Variants in RANBP2 observed in about 807,000 individuals in gnomAD.
RANBP2 encodes the protein E3 SUMO-protein ligase RanBP2.
RANBP2 carries 57 observed loss-of-function variants against 303.6 expected under a neutral mutation model. The ratio of observed to expected loss-of-function variants is 0.19; its 90% CI spans 0.15 to 0.23. The LOEUF (loss-of-function observed/expected upper bound fraction) is 0.23. Ranked by LOEUF, RANBP2 falls within the 10% of genes least tolerant of loss-of-function variation. The pLI is 1.00. For missense variants in RANBP2, 3,138 were observed against 3,780.8 expected (o/e 0.83, Z 4.46); for synonymous variants, 1,167 against 1,301.5 (o/e 0.90, Z 2.23).
chr2:109,145,567 C>G, the RANBP2 span, among the ~76,000 whole-genome samples: 65 of 152,280 alleles, frequency 4.3e-4, no homozygotes, highest in African/African-American at 1.5e-3. Context: ...CTAGGCTGTC[C>G]GGGGGGCCTC....
chr2:109,615,808 A>G, the RANBP2 span: 1 of 1,614,108 alleles, frequency 6.2e-7, no homozygotes, highest in Admixed American at 1.7e-5. Flanking sequence ...GACCATCACC[A>G]CCATCACCAC....
At chr2:109,293,157 G>A in the RANBP2 span, among the ~76,000 whole-genome samples, 1 of 152,234 alleles carries the variant, frequency 6.6e-6, no homozygotes, top group Non-Finnish European at 1.5e-5. Flanking sequence ...ACAGAGCTCC[G>A]CAGGCAGTGC....
chr2:108,885,635 G>A, the RANBP2 span, among the ~76,000 whole-genome samples: 4 of 152,328 alleles, frequency 2.6e-5, no homozygotes, highest in Admixed American at 2.6e-4. Context: ...TATTTGGGGT[G>A]TCCACCCGAG....
At chr2:109,043,487 C>T in the RANBP2 span, among the ~76,000 whole-genome samples, 2 of 152,110 alleles carry the variant, frequency 1.3e-5, no homozygotes, top group Admixed American at 6.5e-5. Flanking sequence ...GGACTACAGG[C>T]GCAAGCCATC....
chr2:109,727,965 G>A, the RANBP2 span, among the ~76,000 whole-genome samples: 8 of 152,126 alleles, frequency 5.3e-5, no homozygotes, highest in Non-Finnish European at 1.5e-5. Flanking sequence ...CCCCTTGAAA[G>A]AGGGCAAAAC....
At chr2:109,043,741 T>C in the RANBP2 span, among the ~76,000 whole-genome samples, 1 of 152,248 alleles carries the variant, frequency 6.6e-6, no homozygotes, top group East Asian at 1.9e-4. Flanking sequence ...CTTGATCCAG[T>C]TGGAAGACTG....
chr2:109,499,764 T>C, the RANBP2 span, among the ~76,000 whole-genome samples: 1 of 152,132 alleles, frequency 6.6e-6, no homozygotes, highest in Non-Finnish European at 1.5e-5. Context: ...CAGGGGGGTG[T>C]GTGTGTATGT....
At chr2:109,149,075 G>A in the RANBP2 span, among the ~76,000 whole-genome samples, 4 of 152,034 alleles carry the variant, frequency 2.6e-5, no homozygotes, top group Admixed American at 1.3e-4. Context: ...GGCTTCAATT[G>A]AGTGCCTCAT....
chr2:109,027,412 C>G, the RANBP2 span, among the ~76,000 whole-genome samples: 1 of 152,012 alleles, frequency 6.6e-6, no homozygotes, highest in Non-Finnish European at 1.5e-5. Flanking sequence ...CTTTTGAAGC[C>G]ATAAGGAAAG....
At chr2:109,011,787 T>C in the RANBP2 span, among the ~76,000 whole-genome samples, 1 of 152,320 alleles carries the variant, frequency 6.6e-6, no homozygotes, top group South Asian at 2.1e-4. Flanking sequence ...ATCTTTAATT[T>C]CTGCTGTAAT....
the RANBP2 span, among the ~76,000 whole-genome samples, chr2:109,219,898 C>T: frequency 2.6e-5 from 4 of 152,204 alleles, no homozygotes; most frequent in East Asian, 1.9e-4. Flanking sequence ...ACCCCAATGG[C>T]GTTTTTTAGA....
At chr2:109,714,184 G>T in the RANBP2 span, among the ~76,000 whole-genome samples, 3 of 152,152 alleles carry the variant, frequency 2.0e-5, no homozygotes, top group African/African-American at 7.2e-5. Flanking sequence ...GGGCTCAAGT[G>T]ATCCTCCTAC....
At chr2:109,105,133 C>G in the RANBP2 span, among the ~76,000 whole-genome samples, 2 of 152,182 alleles carry the variant, frequency 1.3e-5, no homozygotes, top group Non-Finnish European at 2.9e-5. Context: ...AAGGCACTCT[C>G]CCAATGGATA....
chr2:109,380,121 G>A, the RANBP2 span, among the ~76,000 whole-genome samples: 82 of 152,290 alleles, frequency 5.4e-4, no homozygotes, highest in African/African-American at 7.2e-4. Flanking sequence ...CTGCCAAGGC[G>A]TGATCCACAC....
At chr2:109,333,870 T>A in the RANBP2 span, among the ~76,000 whole-genome samples, 1 of 152,188 alleles carries the variant, frequency 6.6e-6, no homozygotes, top group South Asian at 2.1e-4. Flanking sequence ...ATTATGATGA[T>A]ATAATAATGA....
the RANBP2 span, among the ~76,000 whole-genome samples, chr2:109,419,803 A>C: frequency 6.6e-6 from 1 of 152,240 alleles, no homozygotes; most frequent in Non-Finnish European, 1.5e-5. Flanking sequence ...GAGAGTGTGG[A>C]AGACAAAAGT....
chr2:109,722,318 G>A, the RANBP2 span, among the ~76,000 whole-genome samples: 7 of 152,166 alleles, frequency 4.6e-5, no homozygotes, highest in Admixed American at 1.3e-4. Context: ...GGCCAGACAC[G>A]GAAAGAGGCA....
chr2:109,534,799 GTTGTT>G, the RANBP2 span, among the ~76,000 whole-genome samples: 100 of 143,856 alleles, frequency 7.0e-4, no homozygotes, highest in African/African-American at 2.0e-3. Context: ...GGGAGTGAAA[GTTGTT>G]TTGTTTTGTT....
chr2:109,222,350 C>G, the RANBP2 span, among the ~76,000 whole-genome samples: 4 of 152,092 alleles, frequency 2.6e-5, no homozygotes, highest in Non-Finnish European at 5.9e-5. Flanking sequence ...TTGAATATGT[C>G]CCAACACAAA....
Sources: allele counts gnomAD v4.1 joint callset (sites outside exome capture counted in the v4.1 genomes callset), GRCh38; gene constraint gnomAD v4.1.1; transcripts MANE v1.5; gene names NCBI Gene and HGNC (gene_info 2026-07-23, HGNC 2026-07-21).